The following DOC2B variants were observed in gnomAD, a reference collection of about 807,000 sequenced individuals.
The protein encoded by DOC2B is double C2-like domain-containing protein beta.
Under a neutral mutation model 28.9 loss-of-function variants are expected in DOC2B, and 21 were observed. The ratio of observed to expected loss-of-function variants is 0.73; its 90% confidence interval spans 0.52 to 1.05. DOC2B has a LOEUF of 1.05. DOC2B is among the 50% of genes least tolerant of loss of function. The pLI is 0.00. For missense variants in DOC2B, 384 were observed against 421.1 expected, an observed-to-expected ratio of 0.91 and a Z score of 0.77; for synonymous variants, 194 against 178.1, an observed-to-expected ratio of 1.09 and a Z score of -0.71.
chr17:173,870 T>C (rs552466377), intron 1 of DOC2B, among the ~76,000 whole-genome samples: 34 of 152,148 alleles, frequency 2.2e-4, no homozygotes, highest in African/African-American at 7.7e-4. Flanking sequence ...TGAGCTAGGC[T>C]CCCAACCTGG....
intron 2 of DOC2B, among the ~76,000 whole-genome samples, chr17:164,426 G>A (rs1555523649): frequency 2.0e-5 from 3 of 152,092 alleles, no homozygotes; most frequent in African/African-American, 7.2e-5. Context: ...AGCTGTCATG[G>A]GGCCTCTGTC....
chr17:177,555 T>C (rs780748420), intron 1 of DOC2B, among the ~76,000 whole-genome samples: 8 of 152,236 alleles, frequency 5.3e-5, no homozygotes, highest in Non-Finnish European at 8.8e-5. Context: ...GAGCCCTCTC[T>C]GTGAGTGACC....
At chr17:172,458 G>A in intron 2 of DOC2B, 79 bp downstream of exon 2, 2 of 1,170,972 alleles carry the variant, frequency 1.7e-6, no homozygotes, top group Non-Finnish European at 2.4e-6. Flanking sequence ...CTGGGGAGTG[G>A]TGTGGTCTGG....
intron 6 of DOC2B, among the ~76,000 whole-genome samples, chr17:149,459 A>G (rs969034497): frequency 9.2e-5 from 14 of 152,214 alleles, no homozygotes; most frequent in Admixed American, 5.2e-4. Flanking sequence ...TCCCCCTAGG[A>G]AAGGGGTTTT....
At position 147,386 on chromosome 17, in the gene DOC2B, G is replaced by T. The variant is rs989686591; in HGVS notation, c.*55C>A. 2.5e-6 allele frequency: 1 copy of T among 398,646 alleles called. No homozygotes were observed. Among genetic ancestry groups the T allele is most frequent in the Non-Finnish European group, 4.4e-6 (1 of 226,124 alleles). 24.7% of individuals were successfully genotyped at this position (398,646 alleles called of 1,614,324 possible). On this transcript the variant is annotated 3_prime_UTR_variant, in exon 9 of 9. Transcript: ENST00000613549. ...GCCTTGGTGGCTGCTGGGGAAGCCC[G>T]GGGCCGGCCGTGCTGGGCGCAGGTG... is the stretch of plus-strand genomic sequence containing the variant.
chr17:157,522 C>CACG (rs1555522729), intron 5 of DOC2B, among the ~76,000 whole-genome samples: 1 of 152,206 alleles, frequency 6.6e-6, no homozygotes, highest in African/African-American at 2.4e-5. Flanking sequence ...AGTGCAGTGG[C>CACG]ATGATCTTGG....
chr17:164,533 T>A (rs1555523658), intron 2 of DOC2B, among the ~76,000 whole-genome samples: 1 of 152,112 alleles, frequency 6.6e-6, no homozygotes, highest in Non-Finnish European at 1.5e-5. Flanking sequence ...CCTGCCATCA[T>A]CCTGACTCCC....
intron 2 of DOC2B, among the ~76,000 whole-genome samples, chr17:170,856 G>C (rs1468624577): frequency 3.8e-5 from 2 of 52,700 alleles, no homozygotes. Context: ...GCAGCACCAG[G>C]GGCCGGGCCA....
chr17:144,911 T>G lies in DOC2B; in HGVS notation c.*2530A>C. 6.6e-6 allele frequency: 1 copy of G among 152,320 alleles called. No individual in the cohort carries two copies. The highest frequency in any genetic ancestry group is 3.4e-3 in the Middle Eastern group (1 of 294). The allele number at this position is 152,320 out of a possible 1,614,324, so 9.4% of individuals were successfully genotyped here. ...GCCTCTTCTCGCTTTGCCATTCACT[T>G]CTGTGTCTTCAGAGAGGCTGTCAAA... On this transcript the variant is annotated 3_prime_UTR_variant, in exon 9 of 9. Transcript: ENST00000613549.
Position 181,274 on chromosome 17 carries a change from C to T in DOC2B, c.206G>A (p.Arg69His), listed in dbSNP as rs1338846590. The T allele has an allele frequency of 1.7e-6, 2 of 1,201,334 alleles. No homozygotes were observed. The highest frequency in any genetic ancestry group is 2.1e-6 in the Non-Finnish European group (2 of 968,890). The allele number at this position is 1,201,334 out of a possible 1,614,324, so 74.4% of individuals were successfully genotyped here. A position where few individuals can be genotyped will look rare whatever the true frequency, so the allele number is the denominator to read the frequency against. ...GCGGGCGCCGTCGGAGGGGCTGCGG[C>T]GGCCGGCACCGGCCACAGCCGGGCG... Reference protein sequence around the residue: ...PARPAVAGAGRRSPSDGARED... With the variant: ...PARPAVAGAGHRSPSDGARED... The change falls in exon 1 of 9, where the codon CGC becomes CAC. Residue 69 changes from arginine to histidine, a missense_variant. Coordinates refer to ENST00000613549, the MANE Select transcript of DOC2B (RefSeq NM_003585.5). The surrounding 1 kb of genome is among the most constrained non-coding windows in gnomAD (Gnocchi z 7.0).
intron 1 of DOC2B, among the ~76,000 whole-genome samples, chr17:173,076 C>T: frequency 6.6e-6 from 1 of 152,162 alleles, no homozygotes; most frequent in South Asian, 2.1e-4. Context: ...CTCAACAGTC[C>T]CCCAGCCAAC....
chr17:181,116 C>G lies in DOC2B; in HGVS notation c.364G>C (p.Asp122His). The G allele has an allele frequency of 8.0e-7, 1 of 1,251,748 alleles. No homozygotes were observed. The highest frequency in any genetic ancestry group is 1.0e-6 in the Non-Finnish European group (1 of 997,952). 77.5% of individuals were successfully genotyped at this position (1,251,748 alleles called of 1,614,324 possible). Reference protein sequence around the residue: ...DEPDADGYESDDCTALGTLDF... With the variant: ...DEPDADGYESHDCTALGTLDF... ...CGCGTGGGAAACTTACTGCAGTCGT[C>G]CGACTCGTAGCCGTCGGCGTCCGGC... Residue 122 changes from aspartate to histidine, a missense_variant, in exon 1 of 9, where the codon GAC becomes CAC. Asp to His is a moderately conservative substitution (Grantham distance 81). Coordinates refer to ENST00000613549, the MANE Select transcript of DOC2B (RefSeq NM_003585.5). The surrounding 1 kb of genome is among the most constrained non-coding windows in gnomAD (Gnocchi z 7.0).
rs2040444519 is a variant in DOC2B, at chr17:181,513, G to T, written c.-34C>A. On this transcript the variant is annotated 5_prime_UTR_variant, in exon 1 of 9. Transcript: ENST00000613549. This position sits in a 1 kb window ranked among gnomAD's most constrained non-coding sequence, Gnocchi z 7.0. The stretch of plus-strand genomic sequence containing the variant: ...CGCCGCCCCGCCCCGGGCGCGGCCC[G>T]GCCCGGCGCGACCCCGGCCCGGGGG... 9 of 990,432 alleles carry T rather than the reference G, an allele frequency of 9.1e-6. No individual in the cohort carries two copies. The highest frequency in any genetic ancestry group is 1.1e-5 in the Non-Finnish European group (9 of 834,434). The allele number at this position is 990,432 out of a possible 1,614,324, so 61.4% of individuals were successfully genotyped here.
rs564662225 is a variant in DOC2B, at chr17:154,280, G to C, written c.923+1940C>G. Among the ~76,000 whole-genome samples the C allele has an allele frequency of 1.1e-4, 17 of 148,950 alleles. No homozygotes were observed. The South Asian group carries it at 3.2e-3, about 28-fold the overall frequency. The stretch of plus-strand genomic sequence containing the variant: ...CGCACCCGCTACACTCCTTCTTAGG[G>C]CTGATATTCCACGCACCTGCTACAC... On this transcript the variant is annotated intron_variant, in intron 6 of 8. Coordinates refer to ENST00000613549, the MANE Select transcript of DOC2B (RefSeq NM_003585.5).
At position 147,310 on chromosome 17, in the gene DOC2B, GCT is replaced by G; in HGVS notation, c.*129_*130del. On this transcript the variant is annotated 3_prime_UTR_variant, in exon 9 of 9. Coordinates refer to ENST00000613549, the MANE Select transcript of DOC2B (RefSeq NM_003585.5). The stretch of plus-strand genomic sequence containing the variant: ...CATCCTCCGAGCGGGGACTGCAGTG[GCT>G]CTGTGTCCAAGCAGGGGTTCTGGAT... The G allele has an allele frequency of 2.5e-6, 1 of 397,166 alleles. No homozygotes were observed. Among genetic ancestry groups the G allele is most frequent in the Non-Finnish European group, 4.4e-6 (1 of 225,488 alleles). 24.6% of individuals were successfully genotyped at this position (397,166 alleles called of 1,614,324 possible). A position where few individuals can be genotyped will look rare whatever the true frequency, so the allele number is the denominator to read the frequency against.
chr17:147,395 C>T lies in DOC2B; in HGVS notation c.*46G>A, dbSNP rs981769119. The T allele has an allele frequency of 2.0e-5, 8 of 398,616 alleles. No individual in the cohort carries two copies. The highest frequency in any genetic ancestry group is 8.8e-5 in the Admixed American group (2 of 22,712). The allele number at this position is 398,616 out of a possible 1,614,324, so 24.7% of individuals were successfully genotyped here. ...GCTGCTGGGGAAGCCCGGGGCCGGC[C>T]GTGCTGGGCGCAGGTGGCGGCAGGG... On this transcript the variant is annotated 3_prime_UTR_variant, in exon 9 of 9. Transcript: ENST00000613549.
chr17:157,483 CAG>C (rs1242710569), intron 5 of DOC2B, among the ~76,000 whole-genome samples: 2 of 152,208 alleles, frequency 1.3e-5, no homozygotes, highest in Admixed American at 6.5e-5. Context: ...TTGATTTTGA[CAG>C]AGTCTGACTC....
At chr17:176,579 C>A (rs774955700) in intron 1 of DOC2B, among the ~76,000 whole-genome samples, 9 of 152,034 alleles carry the variant, frequency 5.9e-5, no homozygotes, top group Non-Finnish European at 1.2e-4. Context: ...GAGGATGCAA[C>A]TAAGAAACAA....
chr17:157,441 G>A (rs752260305), intron 5 of DOC2B, among the ~76,000 whole-genome samples: 4 of 152,162 alleles, frequency 2.6e-5, no homozygotes, highest in African/African-American at 9.7e-5. Flanking sequence ...CAGCCTCTAA[G>A]TTCCTTGAAG....
Sources: gnomAD v4.1 joint callset for allele counts (sites outside exome capture counted in the v4.1 genomes callset) on GRCh38, gnomAD v4.1.1 for gene constraint, Gnocchi (gnomAD v3.1) non-coding constraint, MANE v1.5 for transcripts, NCBI Gene and HGNC (gene_info 2026-07-23, HGNC 2026-07-21) for gene names.